KCNQ1: variants seen among roughly 807,000 people sequenced by gnomAD.
KCNQ1 encodes potassium voltage-gated channel subfamily Q member 1.
KCNQ1 carries 49 observed loss-of-function variants against 72.4 expected under a neutral mutation model. That is an observed-to-expected ratio of 0.68 (90% CI 0.54 to 0.86). The LOEUF (loss-of-function observed/expected upper bound fraction) is 0.86, where lower values mean the gene tolerates loss of function less well. Among genes scored for constraint, KCNQ1 ranks in the 40% least tolerant of loss-of-function variants. The probability of loss-of-function intolerance (pLI) is 0.00; values close to 1 mark genes in which losing one functional copy is unlikely to be tolerated. For synonymous variants in KCNQ1, 450 were observed against 412.6 expected (o/e 1.09, Z -1.10); for missense variants, 790 against 945.1 (o/e 0.84, Z 2.15).
intron 2 of KCNQ1, among the ~76,000 whole-genome samples, chr11:2,548,394 G>C (rs957076923): frequency 6.6e-6 from 1 of 152,176 alleles, no homozygotes; most frequent in African/African-American, 2.4e-5. Context: ...GCGTATAATC[G>C]GTCAGGTTAG....
At chr11:2,570,576 G>C in intron 2 of KCNQ1, 52 bp from the exon 3 acceptor site, 1 of 1,606,018 alleles carries the variant, frequency 6.2e-7, no homozygotes. Flanking sequence ...AGGGTCTGAA[G>C]CCACTCAAGG....
chr11:2,494,383 G>C lies in KCNQ1; in HGVS notation c.387-33545G>C, dbSNP rs1460784132. ...TCCTGGCCAGAACTTCCAATACTAT[G>C]TTGAATGGGAGTGGTGAGAGAGGGC... On this transcript the variant is annotated intron_variant, in intron 1 of 15. Coordinates refer to ENST00000155840, the MANE Select transcript of KCNQ1 (RefSeq NM_000218.3). The surrounding 1 kb of genome is among the most constrained non-coding windows in gnomAD (Gnocchi z 4.6). Among the ~76,000 whole-genome samples, 3 of 152,096 alleles carry C rather than the reference G, an allele frequency of 2.0e-5. No homozygotes were observed. The highest frequency in any genetic ancestry group is 2.0e-4 in the Admixed American group (3 of 15,272).
Position 2,527,935 on chromosome 11 carries a change from A to G in KCNQ1, c.394A>G (p.Ile132Val). The G allele has an allele frequency of 6.2e-7, 1 of 1,613,940 alleles. No individual in the cohort carries two copies. The highest frequency in any genetic ancestry group is 8.5e-7 in the Non-Finnish European group (1 of 1,179,930). Residue 132 changes from isoleucine (I) to valine (V), a missense_variant, in exon 2 of 16, where the codon ATC (isoleucine) becomes GTC (valine). Ile to Val is a conservative substitution (Grantham distance 29). This residue lies in a region of KCNQ1 where 294 missense variants were observed against 323.3 expected (regional missense o/e 0.91). Coordinates refer to ENST00000155840, the MANE Select transcript of KCNQ1 (RefSeq NM_000218.3). Reference sequence around the variant, plus strand: ...CGTGTCCCTGTCTTGCAGCTTCCTCATCGTCCTGGTCTGCCTCATCTTCAG... The same window carrying G: ...CGTGTCCCTGTCTTGCAGCTTCCTCGTCGTCCTGGTCTGCCTCATCTTCAG... ...CFVYHFAVFL[I>V]VLVCLIFSVL...
rs114137391 is a variant in KCNQ1, at chr11:2,808,486, G to T, written c.1794+30449G>T. ...TAGCATTCAGAGTTGCTATTAATAGGCTCTGATGCAGAACTGAGCAGAGAA... is the reference window on the plus strand; with the variant it reads ...TAGCATTCAGAGTTGCTATTAATAGTCTCTGATGCAGAACTGAGCAGAGAA... On this transcript the variant is annotated intron_variant, in intron 15 of 15. Transcript: ENST00000155840. This position sits in a 1 kb window ranked among gnomAD's most constrained non-coding sequence, Gnocchi z 6.0. Among the ~76,000 whole-genome samples, 2,446 of 152,262 alleles carry T rather than the reference G, an allele frequency of 0.016. 65 individuals carry two copies. Among genetic ancestry groups the T allele is most frequent in the African/African-American group, 0.055 (2,304 of 41,532 alleles).
Position 2,627,351 on chromosome 11 carries a change from A to T in KCNQ1, c.1394-34610A>T. The T allele has an allele frequency of 2.5e-6, 1 of 398,370 alleles. No homozygotes were observed. 24.7% of individuals were successfully genotyped at this position (398,370 alleles called of 1,614,324 possible). On this transcript the variant is annotated intron_variant, in intron 10 of 15. Coordinates refer to ENST00000155840, the MANE Select transcript of KCNQ1 (RefSeq NM_000218.3). The surrounding 1 kb of genome is among the most constrained non-coding windows in gnomAD (Gnocchi z 4.9). ...TACCTAAGCTATACTCTCTTAGCAA[A>T]TTCCAAGTATAGAATATATTAACTA...
In KCNQ1 at chr11:2,734,440, C is replaced by T. The variant is rs769669455; in HGVS notation, c.1515-34404C>T. On this transcript the variant is annotated intron_variant, in intron 11 of 15. Transcript: ENST00000155840. This position sits in a 1 kb window ranked among gnomAD's most constrained non-coding sequence, Gnocchi z 7.0. ...CGGGGGAGCACTGTCCCCGGGGCCCCGCAGCCAGCTGTGCTGGGCAAGGCA... is the reference window on the plus strand; with the variant it reads ...CGGGGGAGCACTGTCCCCGGGGCCCTGCAGCCAGCTGTGCTGGGCAAGGCA... Among the ~76,000 whole-genome samples the T allele has an allele frequency of 1.3e-5, 2 of 152,210 alleles. No homozygotes were observed. Among genetic ancestry groups the T allele is most frequent in the Non-Finnish European group, 2.9e-5 (2 of 68,044 alleles).
At chr11:2,553,768 C>T (rs989694772) in intron 2 of KCNQ1, among the ~76,000 whole-genome samples, 4 of 151,802 alleles carry the variant, frequency 2.6e-5, no homozygotes, top group Middle Eastern at 3.4e-3. Context: ...CAAGCTGGAG[C>T]GCAATGGCGT....
rs1443875891 is a variant in KCNQ1 at position 2,677,946 on chromosome 11, G to A, written c.1514+15865G>A. 7.5e-6 allele frequency: 3 copies of A among 398,386 alleles called. No homozygotes were observed. The highest frequency in any genetic ancestry group is 1.3e-5 in the Non-Finnish European group (3 of 226,042). The allele number at this position is 398,386 out of a possible 1,614,324, so 24.7% of individuals were successfully genotyped here. ...TTCATTCATTTCATAGATGAGAAAT[G>A]GTACACTGGAGCTTTAATTTACATT... On this transcript the variant is annotated intron_variant, in intron 11 of 15. Transcript: ENST00000155840. The surrounding 1 kb of genome is among the most constrained non-coding windows in gnomAD (Gnocchi z 4.5).
rs1846955106 is a variant in KCNQ1, at chr11:2,498,382, T to G, written c.387-29546T>G. 6.6e-6 allele frequency among the ~76,000 whole-genome samples: 1 copy of G among 152,240 alleles called. No homozygotes were observed. The highest frequency in any genetic ancestry group is 2.1e-4 in the South Asian group (1 of 4,832). ...TGCTGCCTTTCTTTCAGAGATGCCC[T>G]GCCCAGTGAGGAGGAATCTAGAGAA... On this transcript the variant is annotated intron_variant, in intron 1 of 15. Coordinates refer to ENST00000155840, the MANE Select transcript of KCNQ1 (RefSeq NM_000218.3). The surrounding 1 kb of genome is among the most constrained non-coding windows in gnomAD (Gnocchi z 4.8).
At chr11:2,777,528 T>C (rs1168971328) in intron 14 of KCNQ1, 7 of 536,674 alleles carry the variant, frequency 1.3e-5, no homozygotes, top group Non-Finnish European at 2.3e-5. Flanking sequence ...TTCCGGGGAA[T>C]GACAGGGAAA....
In KCNQ1 at chr11:2,652,045, G is replaced by T; in HGVS notation, c.1394-9916G>T. ...CTCCCCCCAGTTCTGGGGTGGCTCT[G>T]ACTGTGTCCAGGCTCCAATTTGAGA... On this transcript the variant is annotated intron_variant, in intron 10 of 15. Coordinates refer to ENST00000155840, the MANE Select transcript of KCNQ1 (RefSeq NM_000218.3). The surrounding 1 kb of genome is among the most constrained non-coding windows in gnomAD (Gnocchi z 5.9). 1 of 398,658 alleles carries T rather than the reference G, an allele frequency of 2.5e-6. No homozygotes were observed. The highest frequency in any genetic ancestry group is 1.3e-4 in the South Asian group (1 of 7,826). 24.7% of individuals were successfully genotyped at this position (398,658 alleles called of 1,614,324 possible). A position where few individuals can be genotyped will look rare whatever the true frequency, so the allele number is the denominator to read the frequency against.
At chr11:2,834,433 C>T (rs1017506487) in intron 15 of KCNQ1, among the ~76,000 whole-genome samples, 2 of 152,276 alleles carry the variant, frequency 1.3e-5, no homozygotes, top group African/African-American at 4.8e-5. Context: ...CTCATCATCA[C>T]ACCTCGCCCT....
rs560326886 is a variant in KCNQ1, at chr11:2,454,672, G to A, written c.386+9188G>A. On this transcript the variant is annotated intron_variant, in intron 1 of 15. Transcript: ENST00000155840. ...GTAAACAGAATTAAAAACAAAAACCGTATGATCATCTCAATAGATGTAGAA... is the reference window on the plus strand; with the variant it reads ...GTAAACAGAATTAAAAACAAAAACCATATGATCATCTCAATAGATGTAGAA... Among the ~76,000 whole-genome samples the A allele has an allele frequency of 6.4e-4, 97 of 152,148 alleles. 2 individuals carry two copies. In the South Asian group the frequency reaches 0.02, roughly 31 times the overall value.
At chr11:2,448,535 T>C (rs1009209044) in intron 1 of KCNQ1, among the ~76,000 whole-genome samples, 15 of 152,180 alleles carry the variant, frequency 9.9e-5, no homozygotes, top group Admixed American at 3.9e-4. Context: ...ATCTCCAGGC[T>C]CTGGCATTGG....
rs1179400164 is a variant in KCNQ1 at position 2,670,061 on chromosome 11, T to C, written c.1514+7980T>C. The C allele has an allele frequency of 2.5e-6, 1 of 398,502 alleles. No homozygotes were observed. The highest frequency in any genetic ancestry group is 4.4e-6 in the Non-Finnish European group (1 of 226,108). The allele number at this position is 398,502 out of a possible 1,614,324, so 24.7% of individuals were successfully genotyped here. On this transcript the variant is annotated intron_variant, in intron 11 of 15. Coordinates refer to ENST00000155840, the MANE Select transcript of KCNQ1 (RefSeq NM_000218.3). This position sits in a 1 kb window ranked among gnomAD's most constrained non-coding sequence, Gnocchi z 4.9. ...AAACCTAGCACTCACTATTCTGCTC[T>C]GGGGAGGGGGTTGGAGGCAGAATCA...
At position 2,720,313 on chromosome 11, in the gene KCNQ1, A is replaced by G. The variant is rs747072967; in HGVS notation, c.1515-48531A>G. On this transcript the variant is annotated intron_variant, in intron 11 of 15. Transcript: ENST00000155840. This position sits in a 1 kb window ranked among gnomAD's most constrained non-coding sequence, Gnocchi z 5.1. ...CCTGGCAGCTCTCCTCATCCATCCT[A>G]TGTGTACACTCAGGCACGTACTCCC... 1.3e-5 allele frequency among the ~76,000 whole-genome samples: 2 copies of G among 152,032 alleles called. No homozygotes were observed. The highest frequency in any genetic ancestry group is 2.9e-5 in the Non-Finnish European group (2 of 67,988).
At chr11:2,578,982 G>GT (rs1182713317) in intron 6 of KCNQ1, among the ~76,000 whole-genome samples, 17 of 152,222 alleles carry the variant, frequency 1.1e-4, no homozygotes, top group Non-Finnish European at 4.4e-5. Flanking sequence ...GCCAGCTGGG[G>GT]TGTGACACCT....
rs1169661915 is a variant in KCNQ1, at chr11:2,498,249, G to A, written c.387-29679G>A. Reference sequence around the variant, plus strand: ...GGATCAGCTGCTCTCTTCAGAGCCAGCAGGCAGGAGAGTTCAAGTCTGCTG... The same window carrying A: ...GGATCAGCTGCTCTCTTCAGAGCCAACAGGCAGGAGAGTTCAAGTCTGCTG... On this transcript the variant is annotated intron_variant, in intron 1 of 15. Transcript: ENST00000155840. This position sits in a 1 kb window ranked among gnomAD's most constrained non-coding sequence, Gnocchi z 4.8. Among the ~76,000 whole-genome samples, 1 of 152,226 alleles carries A rather than the reference G, an allele frequency of 6.6e-6. No individual in the cohort carries two copies. The highest frequency in any genetic ancestry group is 2.4e-5 in the African/African-American group (1 of 41,458).
In KCNQ1 at chr11:2,645,820, T is replaced by G. The variant is rs1849657279; in HGVS notation, c.1394-16141T>G. ...GGGGTTGGGCTATCAAAATGGGACT[T>G]TCCTGAAGTTGCCTGAGGATTCAGG... is the stretch of plus-strand genomic sequence containing the variant. On this transcript the variant is annotated intron_variant, in intron 10 of 15. Transcript: ENST00000155840. The surrounding 1 kb of genome is among the most constrained non-coding windows in gnomAD (Gnocchi z 5.8). 1 of 398,538 alleles carries G rather than the reference T, an allele frequency of 2.5e-6. No homozygotes were observed. Among genetic ancestry groups the G allele is most frequent in the African/African-American group, 2.1e-5 (1 of 48,608 alleles). 24.7% of individuals were successfully genotyped at this position (398,538 alleles called of 1,614,324 possible).
Sources: allele counts gnomAD v4.1 joint callset (sites outside exome capture counted in the v4.1 genomes callset), GRCh38; gene constraint gnomAD v4.1.1; regional missense constraint gnomAD v4.1.1; non-coding constraint Gnocchi (gnomAD v3.1); transcripts MANE v1.5; gene names NCBI Gene and HGNC (gene_info 2026-07-23, HGNC 2026-07-21).